CNTN1: variants seen among roughly 807,000 people sequenced by gnomAD.
CNTN1 encodes contactin 1.
CNTN1 carries 38 observed loss-of-function variants against 126.4 expected under a neutral mutation model. That is an observed-to-expected ratio of 0.30 (90% CI 0.23 to 0.39). The LOEUF (loss-of-function observed/expected upper bound fraction) is 0.39, where lower values mean the gene tolerates loss of function less well. Ranked by LOEUF, CNTN1 falls within the 10% of genes least tolerant of loss-of-function variation. The pLI is 1.00. For missense variants in CNTN1, 1,009 were observed against 1,248.4 expected (o/e 0.81, Z 2.89); for synonymous variants, 413 against 422.6 (o/e 0.98, Z 0.28).
At chr12:40,724,258 A>G (rs1246385458) in intron 1 of CNTN1, among the ~76,000 whole-genome samples, 2 of 152,196 alleles carry the variant, frequency 1.3e-5, no homozygotes, top group Admixed American at 1.3e-4. Context: ...CTTAAAAGCC[A>G]GTTATGGTCA....
intron 1 of CNTN1, among the ~76,000 whole-genome samples, chr12:40,875,636 T>C (rs1265167856): frequency 2.0e-5 from 3 of 152,132 alleles, no homozygotes; most frequent in Non-Finnish European, 2.9e-5. Flanking sequence ...GGATTGACCT[T>C]TTTTAATCTA....
intron 20 of CNTN1, 91 bp from the exon 21 acceptor site, chr12:41,025,059 C>A: frequency 8.2e-7 from 1 of 1,215,128 alleles, no homozygotes; most frequent in Non-Finnish European, 1.2e-6. Context: ...GATCAGCCAA[C>A]ACCAATGGTA....
intron 3 of CNTN1, among the ~76,000 whole-genome samples, chr12:40,918,082 G>C (rs990090888): frequency 1.3e-5 from 2 of 152,142 alleles, no homozygotes; most frequent in African/African-American, 4.8e-5. Flanking sequence ...CCAGGAGAAT[G>C]ATGTACACAG....
At chr12:41,029,593 C>A (rs1015468897) in intron 23 of CNTN1, among the ~76,000 whole-genome samples, 2 of 152,000 alleles carry the variant, frequency 1.3e-5, no homozygotes, top group Non-Finnish European at 2.9e-5. Flanking sequence ...TATATTTAAT[C>A]TTTGTCAGTT....
At chr12:41,067,549 T>A (rs1950071953) in intron 23 of CNTN1, among the ~76,000 whole-genome samples, 1 of 141,204 alleles carries the variant, frequency 7.1e-6, no homozygotes, top group African/African-American at 2.6e-5. Flanking sequence ...TTCTCACTCA[T>A]AGGTGGGAAT....
At chr12:40,804,937 T>C (rs116156531) in intron 1 of CNTN1, among the ~76,000 whole-genome samples, 1,854 of 152,162 alleles carry the variant, frequency 0.012, 36 homozygotes, top group African/African-American at 0.042. Flanking sequence ...TTGACAGTTG[T>C]CTTTATTGTT....
chr12:41,041,215 A>G (rs967296022), intron 23 of CNTN1, among the ~76,000 whole-genome samples: 1 of 152,082 alleles, frequency 6.6e-6, no homozygotes, highest in East Asian at 1.9e-4. Context: ...GCTGGATTAC[A>G]TTTACTGATT....
At chr12:40,838,813 A>G (rs569063811) in intron 1 of CNTN1, among the ~76,000 whole-genome samples, 1 of 152,342 alleles carries the variant, frequency 6.6e-6, no homozygotes, top group South Asian at 2.1e-4. Flanking sequence ...AAGAAGCAAC[A>G]GTTACACCAT....
At chr12:40,859,776 C>T (rs1943055411) in intron 1 of CNTN1, among the ~76,000 whole-genome samples, 2 of 152,172 alleles carry the variant, frequency 1.3e-5, no homozygotes, top group African/African-American at 2.4e-5. Context: ...TATCTATATC[C>T]TGTCACTTTA....
intron 6 of CNTN1, among the ~76,000 whole-genome samples, chr12:40,924,855 G>A (rs1945583382): frequency 1.1e-5 from 1 of 94,100 alleles, no homozygotes; most frequent in Non-Finnish European, 2.3e-5. Flanking sequence ...TAGTCCCAAG[G>A]ATCTCTAATC....
rs150964595 is a variant in CNTN1, at chr12:40,897,770, G to T, written c.-76-10587G>T. On this transcript the variant is annotated intron_variant, in intron 1 of 23. Coordinates refer to ENST00000551295, the MANE Select transcript of CNTN1 (RefSeq NM_001843.4). Reference sequence around the variant, plus strand: ...TTAAGGTAGCCCCGTAATTTCCCCAGTATCTGTTCTGGTAATGAAACCTTT... The same window carrying T: ...TTAAGGTAGCCCCGTAATTTCCCCATTATCTGTTCTGGTAATGAAACCTTT... Among the ~76,000 whole-genome samples, 708 of 152,262 alleles carry T rather than the reference G, an allele frequency of 4.6e-3. 6 individuals carry two copies. The highest frequency in any genetic ancestry group is 0.012 in the African/African-American group (519 of 41,552).
chr12:40,874,143 C>T (rs1175541067), intron 1 of CNTN1, among the ~76,000 whole-genome samples: 1 of 152,032 alleles, frequency 6.6e-6, no homozygotes, highest in Non-Finnish European at 1.5e-5. Flanking sequence ...GGGATCATTA[C>T]TTAAACTTTC....
At chr12:40,891,640 G>C (rs1364361441) in intron 1 of CNTN1, among the ~76,000 whole-genome samples, 1 of 152,060 alleles carries the variant, frequency 6.6e-6, no homozygotes, top group Non-Finnish European at 1.5e-5. Context: ...TTGTTGAAAT[G>C]ACTGTTTCTT....
At chr12:40,895,196 T>C (rs1944368095) in intron 1 of CNTN1, among the ~76,000 whole-genome samples, 1 of 152,184 alleles carries the variant, frequency 6.6e-6, no homozygotes, top group Non-Finnish European at 1.5e-5. Context: ...TCATATATTA[T>C]CTTATTTGGT....
At chr12:40,805,909 C>T (rs764739375) in intron 1 of CNTN1, among the ~76,000 whole-genome samples, 12 of 152,092 alleles carry the variant, frequency 7.9e-5, no homozygotes, top group African/African-American at 2.9e-4. Context: ...ATTTCTCTAG[C>T]GTGGCCTGAT....
chr12:40,988,468 G>A (rs1948020606), intron 16 of CNTN1, among the ~76,000 whole-genome samples: 1 of 152,064 alleles, frequency 6.6e-6, no homozygotes, highest in Non-Finnish European at 1.5e-5. Flanking sequence ...AAGTCATTCT[G>A]GCTGTTTCCA....
At chr12:40,765,110 T>C (rs184930700) in intron 1 of CNTN1, among the ~76,000 whole-genome samples, 12 of 151,596 alleles carry the variant, frequency 7.9e-5, no homozygotes, top group Admixed American at 5.9e-4. Flanking sequence ...TATAAGGATA[T>C]TAGGTTAATT....
intron 7 of CNTN1, among the ~76,000 whole-genome samples, 196 bp downstream of exon 7, chr12:40,930,198 T>G (rs189031520): frequency 3.9e-5 from 6 of 152,124 alleles, no homozygotes; most frequent in Admixed American, 3.9e-4. Context: ...ATAAAATTGC[T>G]GTAAGAAGGT....
chr12:41,026,070 CAT>C (rs562516727), intron 21 of CNTN1, among the ~76,000 whole-genome samples: 17 of 152,306 alleles, frequency 1.1e-4, no homozygotes, highest in African/African-American at 3.4e-4. Flanking sequence ...TGGTGTCTAA[CAT>C]GTGTTTGAGA....
Sources: gnomAD v4.1 joint callset for allele counts (sites outside exome capture counted in the v4.1 genomes callset) on GRCh38, gnomAD v4.1.1 for gene constraint, MANE v1.5 for transcripts, NCBI Gene and HGNC (gene_info 2026-07-23, HGNC 2026-07-21) for gene names.